IGSF10: variants seen among roughly 807,000 people sequenced by gnomAD.
The protein encoded by IGSF10 is calvaria mechanical force protein 608.
In IGSF10, 126 loss-of-function variants were observed where a neutral mutation model predicts 128.2. That is an observed-to-expected ratio of 0.98 (90% CI 0.85 to 1.14). IGSF10 has a LOEUF of 1.14. Ranked by LOEUF, IGSF10 falls within the 50% of genes most tolerant of loss-of-function variation. The pLI is 0.00. For synonymous variants in IGSF10, 1,185 were observed against 1,146.2 expected (o/e 1.03, Z -0.68); for missense variants, 3,295 against 3,149.8 (o/e 1.05, Z -1.10).
chr3:151,573,926 G>C, the IGSF10 span, among the ~76,000 whole-genome samples: 1 of 152,118 alleles, frequency 6.6e-6, no homozygotes, highest in South Asian at 2.1e-4. Flanking sequence ...GAGGCCTAGT[G>C]GTGACAAAAA....
intron 4 of IGSF10, among the ~76,000 whole-genome samples, chr3:151,456,657 G>A (rs1371353333): frequency 6.6e-6 from 1 of 152,120 alleles, no homozygotes; most frequent in East Asian, 1.9e-4. Flanking sequence ...ACTGAAAATA[G>A]TACATTGATT....
chr3:151,573,024 T>A, the IGSF10 span, among the ~76,000 whole-genome samples: 1 of 152,212 alleles, frequency 6.6e-6, no homozygotes, highest in African/African-American at 2.4e-5. Context: ...TCAGTTTCCA[T>A]GTAGTTGTGC....
At chr3:151,440,485 C>T (rs1045238905) in intron 7 of IGSF10, 24 of 450,522 alleles carry the variant, frequency 5.3e-5, no homozygotes, top group African/African-American at 4.4e-4. Context: ...AGGGAAACTG[C>T]CAGGTGCTTT....
the IGSF10 span, among the ~76,000 whole-genome samples, chr3:151,471,967 G>T: frequency 6.6e-6 from 1 of 152,170 alleles, no homozygotes; most frequent in South Asian, 2.1e-4. Flanking sequence ...TAAATTTAAT[G>T]TAAAGTGCAG....
In IGSF10 at chr3:151,460,284, A is replaced by C; in HGVS notation, c.-25T>G. 2 of 979,284 alleles carry C rather than the reference A, an allele frequency of 2.0e-6. No individual in the cohort carries two copies. The highest frequency in any genetic ancestry group is 2.4e-6 in the Non-Finnish European group (2 of 824,278). 60.7% of individuals were successfully genotyped at this position (979,284 alleles called of 1,614,324 possible). On this transcript the variant is annotated 5_prime_UTR_variant, in exon 2 of 8. Transcript: ENST00000282466. The stretch of plus-strand genomic sequence containing the variant: ...ACCTGAGCTCTTCTTTCAGGTCCTG[A>C]GTCCTCTTGTGACATAGGCAGAGAC...
chr3:151,556,881 G>A, the IGSF10 span, among the ~76,000 whole-genome samples: 108 of 152,290 alleles, frequency 7.1e-4, no homozygotes, highest in Middle Eastern at 3.4e-3. Context: ...TAACATGCCA[G>A]TTTGGATAAC....
chr3:151,529,592 T>C, the IGSF10 span, among the ~76,000 whole-genome samples: 1 of 152,210 alleles, frequency 6.6e-6, no homozygotes, highest in East Asian at 1.9e-4. Flanking sequence ...TCTAGCAAAC[T>C]ACAGCAGACC....
At chr3:151,538,674 T>C in the IGSF10 span, among the ~76,000 whole-genome samples, 71,769 of 152,016 alleles carry the variant, frequency 0.47, 17,514 homozygotes, top group African/African-American at 0.59. Context: ...TAAAGAAATT[T>C]AATTTAAAAT....
Position 151,445,458 on chromosome 3 carries a change from G to A in IGSF10, c.4523C>T (p.Ser1508Phe). The A allele has an allele frequency of 6.2e-7, 1 of 1,614,222 alleles. No individual in the cohort carries two copies. The highest frequency in any genetic ancestry group is 8.5e-7 in the Non-Finnish European group (1 of 1,180,040). The change falls in exon 6 of 8, where the codon TCC becomes TTC. Residue 1508 changes from serine to phenylalanine, a missense_variant. Transcript: ENST00000282466. ...CTGTGGTTTAGCATTGTGCCTTGAG[G>A]ATTCGTGCAGCTTGACCACTGTATT... is the stretch of plus-strand genomic sequence containing the variant. ...MTNTVVKLHE[S>F]SRHNAKPQQL...
intron 5 of IGSF10, among the ~76,000 whole-genome samples, chr3:151,450,895 C>CAAAAAAAAAA (rs35070766): frequency 3.8e-4 from 21 of 55,394 alleles, no homozygotes; most frequent in Non-Finnish European, 5.3e-4. Context: ...AACTCTGTCT[C>CAAAAAAAAAA]AAAAAAAAAA....
the IGSF10 span, among the ~76,000 whole-genome samples, chr3:151,575,664 G>A: frequency 6.6e-6 from 1 of 152,206 alleles, no homozygotes; most frequent in African/African-American, 2.4e-5. Flanking sequence ...GGAATTCCCA[G>A]ACCCCTTGTG....
chr3:151,553,701 T>C, the IGSF10 span, among the ~76,000 whole-genome samples: 8 of 151,884 alleles, frequency 5.3e-5, no homozygotes, highest in African/African-American at 1.9e-4. Context: ...TCTGAGTTTT[T>C]CAATACTAGC....
upstream of IGSF10, among the ~76,000 whole-genome samples, chr3:151,463,523 G>GGTTTTTTTTTTTGTTTTTTTTTTTTTTT (rs1553837068): frequency 3.2e-5 from 1 of 31,272 alleles, no homozygotes. Flanking sequence ...ACATTTTCTG[G>GGTTTTTTTTTTTGTTTTTTTTTTTTTTT]TTTTTTTTTT....
chr3:151,518,210 C>CA, the IGSF10 span, among the ~76,000 whole-genome samples: 1 of 151,878 alleles, frequency 6.6e-6, no homozygotes, highest in African/African-American at 2.4e-5. Flanking sequence ...GAGTTTTGGC[C>CA]AAAGGTGGCC....
the IGSF10 span, among the ~76,000 whole-genome samples, chr3:151,581,290 A>C: frequency 6.6e-6 from 1 of 152,204 alleles, no homozygotes; most frequent in Non-Finnish European, 1.5e-5. Context: ...AGAAATCAGC[A>C]GTTCTCACAC....
At chr3:151,554,519 T>C in the IGSF10 span, among the ~76,000 whole-genome samples, 1 of 147,960 alleles carries the variant, frequency 6.8e-6, no homozygotes, top group Admixed American at 6.6e-5. Context: ...TCATAGTTCA[T>C]TACCTATTTT....
Position 151,436,767 on chromosome 3 carries a change from G to C in IGSF10, c.7794C>G (p.Ser2598=), listed in dbSNP as rs150087245. ...CTGTGCATTTGTATATCCCAGAATCGGAGGTTTGGGGATTCTGAATGACTA... is the reference window on the plus strand; with the variant it reads ...CTGTGCATTTGTATATCCCAGAATCCGAGGTTTGGGGATTCTGAATGACTA... ...GTLVIQNPQT[S]DSGIYKCTAK... Residue 2598 remains serine, a synonymous_variant, in exon 8 of 8, where the codon TCC becomes TCG. Coordinates refer to ENST00000282466, the MANE Select transcript of IGSF10 (RefSeq NM_178822.5). The C allele has an allele frequency of 6.2e-7, 1 of 1,614,068 alleles. No homozygotes were observed. The highest frequency in any genetic ancestry group is 8.5e-7 in the Non-Finnish European group (1 of 1,179,974).
At chr3:151,454,888 C>T (rs1339565687) in intron 4 of IGSF10, among the ~76,000 whole-genome samples, 1 of 151,870 alleles carries the variant, frequency 6.6e-6, no homozygotes, top group African/African-American at 2.4e-5. Context: ...ACACATACTC[C>T]CTAGCTACTC....
chr3:151,611,361 A>C, the IGSF10 span, among the ~76,000 whole-genome samples: 1 of 152,194 alleles, frequency 6.6e-6, no homozygotes, highest in South Asian at 2.1e-4. Flanking sequence ...TATTTGTACA[A>C]TTTGAATGTG....
Sources: gnomAD v4.1 joint callset for allele counts (sites outside exome capture counted in the v4.1 genomes callset) on GRCh38, gnomAD v4.1.1 for gene constraint, MANE v1.5 for transcripts, NCBI Gene and HGNC (gene_info 2026-07-23, HGNC 2026-07-21) for gene names.